The following CNTNAP2 variants were observed in gnomAD, a reference collection of about 807,000 sequenced individuals.
The protein encoded by CNTNAP2 is contactin-associated protein-like 2.
Under a neutral mutation model 155.2 loss-of-function variants are expected in CNTNAP2, and 98 were observed. The observed-to-expected ratio is 0.63, with a 90% CI of 0.54 to 0.75. The LOEUF is 0.75. Among genes scored for constraint, CNTNAP2 ranks in the 30% least tolerant of loss-of-function variants. CNTNAP2 has a pLI of 0.00. For missense variants in CNTNAP2, 1,727 were observed against 1,688.1 expected (o/e 1.02, Z -0.40); for synonymous variants, 651 against 631.2 (o/e 1.03, Z -0.47).
Position 148,017,078 on chromosome 7 carries a change from G to T in CNTNAP2, c.2383+39089G>T, listed in dbSNP as rs1269407414. Among the ~76,000 whole-genome samples, 4 of 152,200 alleles carry T rather than the reference G, an allele frequency of 2.6e-5. No individual in the cohort carries two copies. In the South Asian group the frequency reaches 8.3e-4, roughly 31 times the overall value. Reference sequence around the variant, plus strand: ...AAAACACAAGATTTCTTGATAGATGGTCAGAATAAATTACACCAACTGCAT... The same window carrying T: ...AAAACACAAGATTTCTTGATAGATGTTCAGAATAAATTACACCAACTGCAT... On this transcript the variant is annotated intron_variant, in intron 15 of 23. Coordinates refer to ENST00000361727, the MANE Select transcript of CNTNAP2 (RefSeq NM_014141.6).
chr7:147,867,418 T>C (rs1200537419), intron 13 of CNTNAP2, among the ~76,000 whole-genome samples: 4 of 152,176 alleles, frequency 2.6e-5, no homozygotes, highest in Non-Finnish European at 4.4e-5. Context: ...ATCTGACGGT[T>C]ATGTACCTTG....
chr7:148,113,010 T>C (rs902625468), intron 15 of CNTNAP2, among the ~76,000 whole-genome samples: 1 of 152,188 alleles, frequency 6.6e-6, no homozygotes, highest in Non-Finnish European at 1.5e-5. Context: ...GTACATGTAA[T>C]ACTTTGTTAG....
chr7:148,394,791 C>A (rs1472158928), intron 22 of CNTNAP2, among the ~76,000 whole-genome samples: 1 of 152,210 alleles, frequency 6.6e-6, no homozygotes, highest in Non-Finnish European at 1.5e-5. Context: ...GCAGCGGGTC[C>A]CTGGAACACA....
At chr7:147,198,462 C>A (rs1802852722) in intron 8 of CNTNAP2, among the ~76,000 whole-genome samples, 1 of 152,114 alleles carries the variant, frequency 6.6e-6, no homozygotes, top group African/African-American at 2.4e-5. Context: ...GAATTCCTGA[C>A]CTCAGGCGAT....
intron 10 of CNTNAP2, among the ~76,000 whole-genome samples, chr7:147,417,179 T>G (rs1231733054): frequency 1.3e-5 from 2 of 152,172 alleles, no homozygotes; most frequent in African/African-American, 4.8e-5. Context: ...CGGTTATGTA[T>G]CACAGAGGCT....
chr7:146,787,581 T>C (rs1802596715), intron 2 of CNTNAP2, among the ~76,000 whole-genome samples: 1 of 152,142 alleles, frequency 6.6e-6, no homozygotes, highest in Non-Finnish European at 1.5e-5. Flanking sequence ...AGCTCATAAA[T>C]GCCGCACGGA....
At chr7:146,206,948 T>C (rs1000060370) in intron 1 of CNTNAP2, among the ~76,000 whole-genome samples, 2 of 152,014 alleles carry the variant, frequency 1.3e-5, no homozygotes, top group East Asian at 1.9e-4. Context: ...TTTGCAGCAA[T>C]TTTTATTGAT....
chr7:148,383,992 T>C (rs1799133867), intron 22 of CNTNAP2, 104 bp downstream of exon 22: 9 of 1,481,856 alleles, frequency 6.1e-6, no homozygotes, highest in Admixed American at 3.9e-5. Context: ...GGTAATGTCA[T>C]TGGAGGATTA....
At chr7:146,959,645 G>A (rs912465850) in intron 3 of CNTNAP2, among the ~76,000 whole-genome samples, 4 of 149,308 alleles carry the variant, frequency 2.7e-5, no homozygotes, top group South Asian at 2.1e-4. Context: ...ACTTGAACCC[G>A]AGAGGTAGTG....
At chr7:147,552,885 G>A (rs1355635409) in intron 11 of CNTNAP2, among the ~76,000 whole-genome samples, 3 of 152,144 alleles carry the variant, frequency 2.0e-5, no homozygotes, top group Admixed American at 6.5e-5. Context: ...CAGTGACAGA[G>A]CCCTTGAAGA....
intron 3 of CNTNAP2, among the ~76,000 whole-genome samples, chr7:146,970,396 C>T (rs1284067733): frequency 1.3e-5 from 2 of 152,098 alleles, no homozygotes; most frequent in South Asian, 2.1e-4. Context: ...AAAAAGTGGG[C>T]AAAGGACATG....
chr7:146,132,840 C>T (rs1431357243), intron 1 of CNTNAP2, among the ~76,000 whole-genome samples: 2 of 148,520 alleles, frequency 1.3e-5, no homozygotes, highest in Admixed American at 6.7e-5. Context: ...GGTTCCAAGT[C>T]TTTGCTATTG....
At chr7:147,479,007 G>A (rs1447433224) in intron 10 of CNTNAP2, among the ~76,000 whole-genome samples, 1 of 152,206 alleles carries the variant, frequency 6.6e-6, no homozygotes, top group Non-Finnish European at 1.5e-5. Context: ...GGAAGAAAGG[G>A]GAAAGGGCTG....
chr7:147,307,496 A>G (rs946220445), intron 9 of CNTNAP2, among the ~76,000 whole-genome samples: 8 of 152,124 alleles, frequency 5.3e-5, no homozygotes, highest in African/African-American at 1.9e-4. Context: ...AGGCATGAGA[A>G]TTGCTTGAAC....
chr7:146,788,828 T>G (rs1372520971), intron 2 of CNTNAP2, among the ~76,000 whole-genome samples: 2 of 152,084 alleles, frequency 1.3e-5, no homozygotes, highest in Non-Finnish European at 2.9e-5. Context: ...ACGTGTTTTT[T>G]TGTTTTGTTT....
At chr7:146,208,598 T>C (rs1798985537) in intron 1 of CNTNAP2, 1 of 151,326 alleles carries the variant, frequency 6.6e-6, no homozygotes, top group Non-Finnish European at 1.5e-5. Flanking sequence ...TGAAAACTCA[T>C]AGTCTGAAAA....
chr7:148,228,327 A>G (rs1795894066), intron 19 of CNTNAP2, among the ~76,000 whole-genome samples: 1 of 152,158 alleles, frequency 6.6e-6, no homozygotes, highest in Non-Finnish European at 1.5e-5. Context: ...GTTATTTTCA[A>G]TATTGTTTTT....
chr7:146,432,226 A>G (rs1796183137), intron 1 of CNTNAP2, among the ~76,000 whole-genome samples: 1 of 152,108 alleles, frequency 6.6e-6, no homozygotes, highest in Admixed American at 6.6e-5. Flanking sequence ...TCAAGGAATG[A>G]TGTGTTTCCT....
At position 146,494,032 on chromosome 7, in the gene CNTNAP2, A is replaced by G. The variant is rs1358957619; in HGVS notation, c.98-280239A>G. On this transcript the variant is annotated intron_variant, in intron 1 of 23. Coordinates refer to ENST00000361727, the MANE Select transcript of CNTNAP2 (RefSeq NM_014141.6). ...CCAAATCTATTGAAGTAAATAAAAA[A>G]TTTAAAAAATAAAAATGCAGGCCGG... Among the ~76,000 whole-genome samples, 4 of 152,158 alleles carry G rather than the reference A, an allele frequency of 2.6e-5. No individual in the cohort carries two copies. In the South Asian group the frequency reaches 6.2e-4, roughly 24 times the overall value.
Sources: allele counts gnomAD v4.1 joint callset (sites outside exome capture counted in the v4.1 genomes callset), GRCh38; gene constraint gnomAD v4.1.1; transcripts MANE v1.5; gene names NCBI Gene and HGNC (gene_info 2026-07-23, HGNC 2026-07-21).